Variants in SEMA3E observed in about 807,000 individuals in gnomAD.
SEMA3E encodes the protein semaphorin 3E, also known as semaphorin-3E.
SEMA3E carries 49 observed loss-of-function variants against 93.6 expected under a neutral mutation model. The observed-to-expected ratio is 0.52, with a 90% CI of 0.42 to 0.66. The LOEUF (loss-of-function observed/expected upper bound fraction) is 0.66. Among genes scored for constraint, SEMA3E ranks in the 30% least tolerant of loss-of-function variants. SEMA3E has a pLI of 0.00. For synonymous variants in SEMA3E, 363 were observed against 330.7 expected (o/e 1.10, Z -1.06); for missense variants, 906 against 964.8 (o/e 0.94, Z 0.81).
At chr7:83,380,167 CAT>C (rs1315855749) in intron 16 of SEMA3E, among the ~76,000 whole-genome samples, 2 of 151,736 alleles carry the variant, frequency 1.3e-5, no homozygotes, top group African/African-American at 2.4e-5. Context: ...AAACAATAAA[CAT>C]GTGAATATTT....
chr7:83,514,967 A>G (rs1173284495), intron 1 of SEMA3E, among the ~76,000 whole-genome samples: 1 of 152,220 alleles, frequency 6.6e-6, no homozygotes, highest in Non-Finnish European at 1.5e-5. Context: ...ACAGAAAATA[A>G]AAAATGAGGA....
At chr7:83,607,284 T>C (rs1219286529) in intron 1 of SEMA3E, among the ~76,000 whole-genome samples, 2 of 152,234 alleles carry the variant, frequency 1.3e-5, no homozygotes, top group Non-Finnish European at 2.9e-5. Flanking sequence ...CTTTCTCTTT[T>C]TGAATATATG....
intron 1 of SEMA3E, among the ~76,000 whole-genome samples, chr7:83,599,573 C>A (rs561793173): frequency 6.6e-6 from 1 of 152,070 alleles, no homozygotes; most frequent in Non-Finnish European, 1.5e-5. Context: ...TAGTTATACT[C>A]AAGATGAATA....
At chr7:83,408,618 G>T (rs1224016280) in intron 5 of SEMA3E, 131 bp from the exon 6 acceptor site, 2 of 1,053,036 alleles carry the variant, frequency 1.9e-6, no homozygotes, top group Non-Finnish European at 2.8e-6. Context: ...TTAGGAGCAT[G>T]GATGGTATAG....
chr7:83,574,511 A>C (rs1214020253), intron 1 of SEMA3E, among the ~76,000 whole-genome samples: 1 of 151,568 alleles, frequency 6.6e-6, no homozygotes, highest in Non-Finnish European at 1.5e-5. Flanking sequence ...CAAAATAGCC[A>C]CAATAATTCA....
At chr7:83,589,753 A>T (rs1285862716) in intron 1 of SEMA3E, among the ~76,000 whole-genome samples, 1 of 152,164 alleles carries the variant, frequency 6.6e-6, no homozygotes, top group Non-Finnish European at 1.5e-5. Flanking sequence ...TCTATGGCAC[A>T]TCTCACTTTG....
chr7:83,416,369 G>A (rs1318626057), intron 5 of SEMA3E, among the ~76,000 whole-genome samples: 1 of 151,946 alleles, frequency 6.6e-6, no homozygotes, highest in Non-Finnish European at 1.5e-5. Flanking sequence ...AACTCACTTA[G>A]AAATGTCCCT....
chr7:83,461,167 T>C (rs1034340099), intron 4 of SEMA3E, among the ~76,000 whole-genome samples: 10 of 152,180 alleles, frequency 6.6e-5, no homozygotes, highest in African/African-American at 2.4e-4. Flanking sequence ...AGGTGCCTGA[T>C]GTCCAGACAT....
chr7:83,471,078 A>G (rs1035501840), intron 2 of SEMA3E, among the ~76,000 whole-genome samples: 2 of 151,714 alleles, frequency 1.3e-5, no homozygotes, highest in African/African-American at 4.8e-5. Flanking sequence ...TTCAAATCCA[A>G]TACTTGAACA....
chr7:83,553,498 G>A (rs1001373226), intron 1 of SEMA3E, among the ~76,000 whole-genome samples: 1 of 152,114 alleles, frequency 6.6e-6, no homozygotes, highest in Non-Finnish European at 1.5e-5. Flanking sequence ...GTTTCTTCCA[G>A]TTAATTTCCT....
At chr7:83,616,593 A>ACTT (rs1411210569) in intron 1 of SEMA3E, 1 of 336,414 alleles carries the variant, frequency 3.0e-6, no homozygotes, top group African/African-American at 2.3e-5. Flanking sequence ...CTCCACTAAA[A>ACTT]CTTCTACTTT....
chr7:83,371,301 T>C lies in SEMA3E; in HGVS notation c.1876-3263A>G, dbSNP rs112715421. Among the ~76,000 whole-genome samples, 593 of 152,212 alleles carry C rather than the reference T, an allele frequency of 3.9e-3. 6 individuals carry two copies. Among genetic ancestry groups the C allele is most frequent in the African/African-American group, 0.014 (568 of 41,538 alleles). On this transcript the variant is annotated intron_variant, in intron 16 of 16. Coordinates refer to ENST00000643230, the MANE Select transcript of SEMA3E (RefSeq NM_012431.3). ...AAAATGAAACAACATCCCCATGTAGTAATACACATAAAAAGTTTCAAGGTC... is the reference window on the plus strand; with the variant it reads ...AAAATGAAACAACATCCCCATGTAGCAATACACATAAAAAGTTTCAAGGTC...
chr7:83,583,267 T>TA (rs1443731586), intron 1 of SEMA3E, among the ~76,000 whole-genome samples: 12 of 152,310 alleles, frequency 7.9e-5, no homozygotes, highest in Non-Finnish European at 1.5e-4. Context: ...GGGTACAGTG[T>TA]GATATTTTGA....
At chr7:83,575,633 T>G (rs1035195279) in intron 1 of SEMA3E, among the ~76,000 whole-genome samples, 132 of 152,316 alleles carry the variant, frequency 8.7e-4, no homozygotes, top group African/African-American at 3.0e-3. Flanking sequence ...CTGGAACAGC[T>G]GTAACAGATC....
At chr7:83,626,459 T>C (rs1046612611) in intron 1 of SEMA3E, among the ~76,000 whole-genome samples, 6 of 152,206 alleles carry the variant, frequency 3.9e-5, no homozygotes, top group African/African-American at 1.4e-4. Context: ...CAGGAATTTA[T>C]CCATTTTTTT....
chr7:83,483,496 A>G (rs939502487), intron 2 of SEMA3E, among the ~76,000 whole-genome samples: 3 of 152,212 alleles, frequency 2.0e-5, no homozygotes, highest in African/African-American at 7.2e-5. Context: ...CTACATATTT[A>G]CTTTATGCAT....
chr7:83,542,250 C>T (rs533694521), intron 1 of SEMA3E, among the ~76,000 whole-genome samples: 65 of 151,618 alleles, frequency 4.3e-4, no homozygotes, highest in Non-Finnish European at 8.2e-4. Context: ...GTCATAGCTA[C>T]TGATGAGACT....
intron 4 of SEMA3E, among the ~76,000 whole-genome samples, chr7:83,448,389 A>G (rs1789282184): frequency 6.6e-6 from 1 of 152,164 alleles, no homozygotes; most frequent in African/African-American, 2.4e-5. Flanking sequence ...GCTCATGTCT[A>G]TAAGCCCAGT....
chr7:83,460,970 C>T (rs561937078), intron 4 of SEMA3E, among the ~76,000 whole-genome samples: 9 of 152,124 alleles, frequency 5.9e-5, no homozygotes, highest in South Asian at 4.2e-4. Flanking sequence ...GGCCTGTGTT[C>T]TCAAAAACTT....
Sources: allele counts gnomAD v4.1 joint callset (sites outside exome capture counted in the v4.1 genomes callset), GRCh38; gene constraint gnomAD v4.1.1; transcripts MANE v1.5; gene names NCBI Gene and HGNC (gene_info 2026-07-23, HGNC 2026-07-21).